RBPMS: variants seen among roughly 807,000 people sequenced by gnomAD.
The protein encoded by RBPMS is RNA-binding protein with multiple splicing.
In RBPMS, 7 loss-of-function variants were observed where a neutral mutation model predicts 26.8. The observed-to-expected ratio is 0.26, with a 90% CI of 0.15 to 0.49. The LOEUF is 0.49. Ranked by LOEUF, RBPMS falls within the 20% of genes least tolerant of loss-of-function variation. RBPMS has a pLI of 0.98. For synonymous variants in RBPMS, 96 were observed against 93.3 expected, an observed-to-expected ratio of 1.03 and a Z score of -0.17; for missense variants, 186 against 250.0, an observed-to-expected ratio of 0.74 and a Z score of 1.73.
In RBPMS at chr8:30,479,356, G is replaced by A. The variant is rs2150845100; in HGVS notation, c.225G>A (p.Glu75=). 1 of 1,604,414 alleles carries A rather than the reference G, an allele frequency of 6.2e-7. No individual in the cohort carries two copies. Among genetic ancestry groups the A allele is most frequent in the Non-Finnish European group, 8.5e-7 (1 of 1,177,234 alleles). The change falls in exon 4 of 9, where the codon GAG becomes GAA. Residue 75 remains glutamate (E), a synonymous_variant. Coordinates refer to ENST00000397323, the MANE Select transcript of RBPMS (RefSeq NM_001008710.3). ...FVSFDSRSEA[E]AAKNALNGIR... is the part of the protein sequence containing the mutation. ...GTTTTGACAGTCGCTCAGAAGCAGA[G>A]GCTGCAAAGAATGCTTTGAATGTAA...
intron 1 of RBPMS, chr8:30,386,982 A>G (rs773777793): frequency 6.6e-6 from 1 of 152,084 alleles, no homozygotes; most frequent in Non-Finnish European, 1.5e-5. Flanking sequence ...GCCAGGACCA[A>G]GGGATTGCCT....
At chr8:30,429,412 G>A (rs998468270) in intron 1 of RBPMS, among the ~76,000 whole-genome samples, 2 of 152,128 alleles carry the variant, frequency 1.3e-5, no homozygotes, top group African/African-American at 4.8e-5. Context: ...TAAATTAAAA[G>A]CAATGAAATC....
chr8:30,565,910 T>C (rs1476436596), intron 7 of RBPMS: 1 of 152,312 alleles, frequency 6.6e-6, no homozygotes, highest in East Asian at 1.9e-4. Flanking sequence ...CACAGGGACG[T>C]GGGTGTAGAG....
At chr8:30,555,901 C>T in intron 6 of RBPMS, 1 of 985,462 alleles carries the variant, frequency 1.0e-6, no homozygotes, top group Non-Finnish European at 1.2e-6. Context: ...CGCGGAGCAG[C>T]TTGTTCCCCC....
chr8:30,417,011 C>G (rs1810164044), intron 1 of RBPMS, among the ~76,000 whole-genome samples: 1 of 152,096 alleles, frequency 6.6e-6, no homozygotes, highest in Non-Finnish European at 1.5e-5. Flanking sequence ...CTCAAGTGAT[C>G]CTGCCCGCCT....
intron 1 of RBPMS, among the ~76,000 whole-genome samples, chr8:30,451,017 A>G (rs1814521935): frequency 6.6e-6 from 1 of 152,066 alleles, no homozygotes; most frequent in Non-Finnish European, 1.5e-5. Context: ...GAAAAAATAG[A>G]CTCCTTGAAA....
At chr8:30,477,633 GT>G (rs1817839759) in intron 2 of RBPMS, among the ~76,000 whole-genome samples, 165 bp from the exon 3 acceptor site, 1 of 152,126 alleles carries the variant, frequency 6.6e-6, no homozygotes, top group Non-Finnish European at 1.5e-5. Context: ...ACAGGTGTGT[GT>G]GTGTGTGTGC....
chr8:30,554,351 A>T (rs1826657065), intron 6 of RBPMS, among the ~76,000 whole-genome samples: 1 of 152,204 alleles, frequency 6.6e-6, no homozygotes, highest in Non-Finnish European at 1.5e-5. Flanking sequence ...ACCCACAGGG[A>T]TTCACAGCTG....
intron 4 of RBPMS, among the ~76,000 whole-genome samples, chr8:30,497,612 T>C (rs950981700): frequency 4.0e-5 from 6 of 151,806 alleles, no homozygotes; most frequent in African/African-American, 1.5e-4. Flanking sequence ...TTTTTGTTGT[T>C]GTTTTGTTTT....
chr8:30,567,611 A>G (rs1339724408), intron 8 of RBPMS, among the ~76,000 whole-genome samples: 1 of 151,046 alleles, frequency 6.6e-6, no homozygotes, highest in Non-Finnish European at 1.5e-5. Context: ...TTTTCCACTT[A>G]TGCAATTTTT....
chr8:30,395,587 T>G, intron 1 of RBPMS, among the ~76,000 whole-genome samples: 1 of 41,340 alleles, frequency 2.4e-5, no homozygotes, highest in South Asian at 1.4e-3. Flanking sequence ...TGGTGTCTAC[T>G]CTGCTTTTAA....
At chr8:30,525,269 C>T (rs894061802) in intron 5 of RBPMS, among the ~76,000 whole-genome samples, 3 of 152,178 alleles carry the variant, frequency 2.0e-5, no homozygotes, top group Admixed American at 2.0e-4. Context: ...CAGATATCAA[C>T]AAATGCCAAA....
At chr8:30,494,666 G>C (rs1393248729) in intron 4 of RBPMS, among the ~76,000 whole-genome samples, 1 of 152,160 alleles carries the variant, frequency 6.6e-6, no homozygotes, top group Non-Finnish European at 1.5e-5. Flanking sequence ...TTGTGATGCT[G>C]AGTTGGGATG....
At chr8:30,419,012 G>C (rs1255389963) in intron 1 of RBPMS, among the ~76,000 whole-genome samples, 2 of 143,734 alleles carry the variant, frequency 1.4e-5, no homozygotes, top group Non-Finnish European at 3.0e-5. Context: ...ATAGGCCCCT[G>C]TTATCATTTG....
rs140151532 is a variant in RBPMS, at chr8:30,414,221, G to C, written c.66+29063G>C. On this transcript the variant is annotated intron_variant, in intron 1 of 8. Coordinates refer to ENST00000397323, the MANE Select transcript of RBPMS (RefSeq NM_001008710.3). Reference sequence around the variant, plus strand: ...TTTTATTAATGATACACTTCTTTTCGCCAGGGCAGATAGCTTGTAAGTAAA... The same window carrying C: ...TTTTATTAATGATACACTTCTTTTCCCCAGGGCAGATAGCTTGTAAGTAAA... 3.4e-4 allele frequency among the ~76,000 whole-genome samples: 51 copies of C among 149,512 alleles called. 1 individual carries two copies. Among genetic ancestry groups the C allele is most frequent in the African/African-American group, 1.2e-3 (49 of 40,542 alleles).
At chr8:30,519,979 T>C (rs1481591073) in intron 5 of RBPMS, among the ~76,000 whole-genome samples, 1 of 152,196 alleles carries the variant, frequency 6.6e-6, no homozygotes, top group Non-Finnish European at 1.5e-5. Flanking sequence ...AGCCTTGCCA[T>C]TTCTGGGTAT....
rs775863689 is a variant in RBPMS, at chr8:30,566,264, G to A, written c.*15G>A. 3.0e-6 allele frequency: 3 copies of A among 986,000 alleles called. No individual in the cohort carries two copies. Among genetic ancestry groups the A allele is most frequent in the Non-Finnish European group, 3.6e-6 (3 of 830,016 alleles). The allele number at this position is 986,000 out of a possible 1,614,324, so 61.1% of individuals were successfully genotyped here. ...GATCTTTCTCCATCCCAGGTCCCAG[G>A]TGTGTGATGGCGGCTGCAATCTGTC... On this transcript the variant is annotated 3_prime_UTR_variant, in exon 8 of 9. Transcript: ENST00000397323.
rs371646274 is a variant in RBPMS at position 30,528,175 on chromosome 8, C to CAAA, written c.398-16305_398-16303dup. 3.2e-5 allele frequency among the ~76,000 whole-genome samples: 4 copies of CAAA among 123,870 alleles called. No individual in the cohort carries two copies. In the South Asian group the frequency reaches 7.7e-4, roughly 24 times the overall value. The allele number at this position is 123,870 out of a possible 152,430, so 81.3% of individuals were successfully genotyped here. On this transcript the variant is annotated intron_variant, in intron 5 of 8. Transcript: ENST00000397323. ...GGGCAACAAGAGCGAAACTTTATTC[C>CAAA]AAAAAAAAAAAAAAAAGATAGGTTT...
chr8:30,535,858 G>A (rs936029892), intron 5 of RBPMS, among the ~76,000 whole-genome samples: 4 of 152,178 alleles, frequency 2.6e-5, no homozygotes, highest in Non-Finnish European at 5.9e-5. Flanking sequence ...GCTTGGCAAG[G>A]TTATCTGGAA....
Sources: allele counts gnomAD v4.1 joint callset (sites outside exome capture counted in the v4.1 genomes callset), GRCh38; gene constraint gnomAD v4.1.1; transcripts MANE v1.5; gene names NCBI Gene and HGNC (gene_info 2026-07-23, HGNC 2026-07-21).